GPC5: variants seen among roughly 807,000 people sequenced by gnomAD.
GPC5 encodes the protein glypican-5.
A neutral mutation model predicts 53.9 loss-of-function variants in GPC5; 47 were observed. The ratio of observed to expected loss-of-function variants is 0.87; its 90% CI spans 0.69 to 1.11. GPC5 has a LOEUF of 1.11. Ranked by LOEUF, GPC5 falls within the 50% of genes most tolerant of loss-of-function variation. The pLI, the probability that GPC5 is intolerant of heterozygous loss-of-function variation, is 0.00. For missense variants in GPC5, 748 were observed against 713.1 expected, an observed-to-expected ratio of 1.05 and a Z score of -0.56; for synonymous variants, 286 against 263.3, an observed-to-expected ratio of 1.09 and a Z score of -0.84.
intron 6 of GPC5, among the ~76,000 whole-genome samples, chr13:92,000,029 C>A (rs1274897959): frequency 6.6e-6 from 1 of 152,124 alleles, no homozygotes; most frequent in African/African-American, 2.4e-5. Flanking sequence ...TTCTCAAGAG[C>A]TTGTATTCTT....
intron 6 of GPC5, among the ~76,000 whole-genome samples, chr13:92,073,141 A>G (rs897499103): frequency 6.6e-6 from 1 of 152,166 alleles, no homozygotes; most frequent in Admixed American, 6.5e-5. Flanking sequence ...AGTGTAAAAA[A>G]GGGGAAATTT....
At chr13:92,507,100 C>A (rs569342122) in intron 7 of GPC5, among the ~76,000 whole-genome samples, 5 of 152,268 alleles carry the variant, frequency 3.3e-5, no homozygotes, top group Admixed American at 3.3e-4. Context: ...TCACCATAAT[C>A]ATTTCTACCC....
intron 7 of GPC5, among the ~76,000 whole-genome samples, chr13:92,523,696 A>G (rs1336258139): frequency 6.6e-6 from 1 of 152,120 alleles, no homozygotes; most frequent in Non-Finnish European, 1.5e-5. Flanking sequence ...CATGGAAATC[A>G]ACCAACCACA....
intron 6 of GPC5, among the ~76,000 whole-genome samples, chr13:91,936,043 A>G (rs367904229): frequency 3.3e-5 from 5 of 152,022 alleles, no homozygotes; most frequent in East Asian, 1.9e-4. Context: ...TCCCACTCCT[A>G]TCTTCACTCT....
chr13:91,820,650 T>C (rs560039587), intron 5 of GPC5, among the ~76,000 whole-genome samples: 2 of 152,216 alleles, frequency 1.3e-5, no homozygotes, highest in South Asian at 2.1e-4. Flanking sequence ...GCATGTTTAG[T>C]TGAGCTTTAT....
chr13:91,522,786 A>C (rs1347783989), intron 2 of GPC5, among the ~76,000 whole-genome samples: 2 of 152,052 alleles, frequency 1.3e-5, no homozygotes, highest in African/African-American at 4.8e-5. Context: ...TGTCCTTGTG[A>C]TAGTTTGCTG....
chr13:91,404,950 G>T (rs915055217), intron 1 of GPC5, among the ~76,000 whole-genome samples: 3 of 152,114 alleles, frequency 2.0e-5, no homozygotes, highest in Non-Finnish European at 2.9e-5. Flanking sequence ...TTCCAATTAT[G>T]AATGTATCTT....
chr13:92,435,422 G>A (rs949943465), intron 7 of GPC5, among the ~76,000 whole-genome samples: 4 of 152,106 alleles, frequency 2.6e-5, no homozygotes, highest in African/African-American at 9.7e-5. Context: ...GGTCTGAAAG[G>A]CCTAAAAGTA....
intron 7 of GPC5, among the ~76,000 whole-genome samples, chr13:92,803,019 G>T (rs150724476): frequency 2.0e-5 from 3 of 151,934 alleles, no homozygotes; most frequent in African/African-American, 7.2e-5. Flanking sequence ...TTGGAATGTA[G>T]GCTGGAATAG....
At chr13:92,611,069 A>T (rs1260248878) in intron 7 of GPC5, among the ~76,000 whole-genome samples, 2 of 151,538 alleles carry the variant, frequency 1.3e-5, no homozygotes, top group Admixed American at 6.6e-5. Flanking sequence ...GTTCCTGGGC[A>T]GTTCAGATAT....
chr13:92,423,659 A>G (rs1876689446), intron 7 of GPC5, among the ~76,000 whole-genome samples: 1 of 152,186 alleles, frequency 6.6e-6, no homozygotes, highest in Non-Finnish European at 1.5e-5. Flanking sequence ...AGCTGAGATC[A>G]TTAACTTTGC....
rs1463706346 is a variant in GPC5 at position 91,915,809 on chromosome 13, TA to T, written c.1401+7754del. Among the ~76,000 whole-genome samples, 3 of 152,168 alleles carry T rather than the reference TA, an allele frequency of 2.0e-5. No individual in the cohort carries two copies. The East Asian group carries it at 5.8e-4, about 29-fold the overall frequency. ...TTTAATAATTGAAGTCACTGAAATT[TA>T]ACTTGTCAAGAATTATAAAATCTAA... On this transcript the variant is annotated intron_variant, in intron 6 of 7. Coordinates refer to ENST00000377067, the MANE Select transcript of GPC5 (RefSeq NM_004466.6).
chr13:92,264,661 T>C (rs1346653356), intron 7 of GPC5, among the ~76,000 whole-genome samples: 1 of 151,004 alleles, frequency 6.6e-6, no homozygotes, highest in Admixed American at 6.6e-5. Context: ...GTTGTTCTTG[T>C]CTAGTTTTTT....
intron 5 of GPC5, among the ~76,000 whole-genome samples, chr13:91,820,962 CA>C (rs1306633064): frequency 4.9e-5 from 6 of 122,814 alleles, no homozygotes; most frequent in Admixed American, 8.6e-5. Flanking sequence ...GACTCCGTCT[CA>C]AAAAAAAAAT....
rs192790652 is a variant in GPC5, at chr13:91,634,738, G to C, written c.326-58449G>C. On this transcript the variant is annotated intron_variant, in intron 2 of 7. Transcript: ENST00000377067. Reference sequence around the variant, plus strand: ...CAGTATTACCAATTATGTGAGCATCGTGATGGCTATAGGGCTTAACTAATG... The same window carrying C: ...CAGTATTACCAATTATGTGAGCATCCTGATGGCTATAGGGCTTAACTAATG... 3.3e-5 allele frequency among the ~76,000 whole-genome samples: 5 copies of C among 152,074 alleles called. No homozygotes were observed. In the East Asian group the frequency reaches 5.8e-4, roughly 18 times the overall value.
At chr13:92,516,592 A>G (rs1880792611) in intron 7 of GPC5, among the ~76,000 whole-genome samples, 1 of 152,184 alleles carries the variant, frequency 6.6e-6, no homozygotes, top group Non-Finnish European at 1.5e-5. Flanking sequence ...AAGAAAATAG[A>G]TGTTTCTGAG....
intron 5 of GPC5, among the ~76,000 whole-genome samples, chr13:91,782,077 C>T (rs1382492112): frequency 6.6e-6 from 1 of 152,084 alleles, no homozygotes; most frequent in Admixed American, 6.5e-5. Flanking sequence ...TATATTTTTA[C>T]CTGCTGAATG....
intron 2 of GPC5, among the ~76,000 whole-genome samples, chr13:91,470,657 T>A (rs1882562255): frequency 6.6e-6 from 1 of 152,184 alleles, no homozygotes. Flanking sequence ...CCTTTTTATC[T>A]CAGGCACCAT....
Position 92,077,388 on chromosome 13 carries a change from AC to A in GPC5, c.1402-67441del, listed in dbSNP as rs545328154. 2.5e-3 allele frequency among the ~76,000 whole-genome samples: 386 copies of A among 152,302 alleles called. 2 individuals are homozygous for A. Among genetic ancestry groups the A allele is most frequent in the Non-Finnish European group, 4.0e-3 (270 of 68,034 alleles). ...AATGTAAAAAGTAGTGAGGTAACAGACTTTTTGTCAGCCTTGTACTTACAGA... is the reference window on the plus strand; with the variant it reads ...AATGTAAAAAGTAGTGAGGTAACAGATTTTTGTCAGCCTTGTACTTACAGA... On this transcript the variant is annotated intron_variant, in intron 6 of 7. Coordinates refer to ENST00000377067, the MANE Select transcript of GPC5 (RefSeq NM_004466.6).
Sources: gnomAD v4.1 joint callset for allele counts (sites outside exome capture counted in the v4.1 genomes callset) on GRCh38, gnomAD v4.1.1 for gene constraint, MANE v1.5 for transcripts, NCBI Gene and HGNC (gene_info 2026-07-23, HGNC 2026-07-21) for gene names.